The following ULK4 variants were observed in gnomAD, a reference collection of about 807,000 sequenced individuals.
ULK4 encodes inactive serine/threonine-protein kinase ULK4.
In ULK4, 133 loss-of-function variants were observed where a neutral mutation model predicts 160.6. The observed-to-expected ratio is 0.83, with a 90% CI of 0.72 to 0.96. The LOEUF (loss-of-function observed/expected upper bound fraction) is 0.96, where lower values mean the gene tolerates loss of function less well. ULK4 is among the 40% of genes least tolerant of loss of function. ULK4 has a pLI of 0.00. For synonymous variants in ULK4, 534 were observed against 539.8 expected, an observed-to-expected ratio of 0.99 and a Z score of 0.15; for missense variants, 1,580 against 1,499.5, an observed-to-expected ratio of 1.05 and a Z score of -0.89.
chr3:41,699,845 A>T (rs2036613621), intron 27 of ULK4, among the ~76,000 whole-genome samples: 1 of 152,236 alleles, frequency 6.6e-6, no homozygotes, highest in South Asian at 2.1e-4. Context: ...GAAGCCAGTA[A>T]GTTGCAATAA....
At chr3:41,536,493 A>T (rs913254422) in intron 32 of ULK4, among the ~76,000 whole-genome samples, 1 of 152,088 alleles carries the variant, frequency 6.6e-6, no homozygotes, top group Non-Finnish European at 1.5e-5. Context: ...ACTCCCCCAA[A>T]ACTTAACTAC....
intron 35 of ULK4, among the ~76,000 whole-genome samples, chr3:41,301,417 T>G (rs576400697): frequency 6.6e-6 from 1 of 152,290 alleles, no homozygotes; most frequent in East Asian, 1.9e-4. Context: ...AGCTCTAAGT[T>G]ATACACCAGG....
At chr3:41,534,979 A>T (rs955864802) in intron 32 of ULK4, among the ~76,000 whole-genome samples, 1 of 152,220 alleles carries the variant, frequency 6.6e-6, no homozygotes, top group African/African-American at 2.4e-5. Context: ...GTGTATATAC[A>T]TATACATACA....
intron 32 of ULK4, among the ~76,000 whole-genome samples, chr3:41,551,352 T>C (rs1000858510): frequency 3.3e-5 from 5 of 151,176 alleles, no homozygotes; most frequent in Non-Finnish European, 5.9e-5. Flanking sequence ...TTTGGTTTTT[T>C]TGAAAAAATA....
chr3:41,870,736 C>T (rs1697057178), intron 17 of ULK4, among the ~76,000 whole-genome samples: 1 of 152,128 alleles, frequency 6.6e-6, no homozygotes, highest in Admixed American at 6.6e-5. Context: ...AAAAACAGAA[C>T]CAATCAATCA....
At chr3:41,794,203 G>A (rs549292861) in intron 20 of ULK4, among the ~76,000 whole-genome samples, 1 of 152,316 alleles carries the variant, frequency 6.6e-6, no homozygotes, top group South Asian at 2.1e-4. Context: ...AATACAGACA[G>A]TTACAAGTGG....
chr3:41,658,317 C>G (rs535653949), intron 30 of ULK4, among the ~76,000 whole-genome samples: 7 of 152,192 alleles, frequency 4.6e-5, no homozygotes, highest in Middle Eastern at 3.4e-3. Context: ...AGTGTCTAGC[C>G]CTAGAGATTG....
chr3:41,473,661 C>CAAAAAAAAAAAAAAAAA lies in ULK4; in HGVS notation c.3227-10409_3227-10408insTTTTTTTTTTTTTTTTT, dbSNP rs1294599838. On this transcript the variant is annotated intron_variant, in intron 32 of 36. Coordinates refer to ENST00000301831, the MANE Select transcript of ULK4 (RefSeq NM_017886.4). ...TGGGCAACAGAATGAGATTCTGTCT[C>CAAAAAAAAAAAAAAAAA]AAAGAAAAAAAAAAAAAAAAAAAGA... Among the ~76,000 whole-genome samples, 15 of 25,252 alleles carry CAAAAAAAAAAAAAAAAA rather than the reference C, an allele frequency of 5.9e-4. 2 individuals are homozygous for CAAAAAAAAAAAAAAAAA. The highest frequency in any genetic ancestry group is 2.0e-3 in the African/African-American group (11 of 5,496). The allele number at this position is 25,252 out of a possible 152,430, so 16.6% of individuals were successfully genotyped here.
At chr3:41,376,546 G>A (rs1191861416) in intron 35 of ULK4, among the ~76,000 whole-genome samples, 4 of 149,822 alleles carry the variant, frequency 2.7e-5, no homozygotes, top group African/African-American at 1.0e-4. Context: ...CAAAATCAAT[G>A]TACAAAAATC....
intron 34 of ULK4, among the ~76,000 whole-genome samples, chr3:41,405,908 A>T (rs1282984535): frequency 6.6e-6 from 1 of 152,086 alleles, no homozygotes; most frequent in Non-Finnish European, 1.5e-5. Flanking sequence ...CAAAGCATGC[A>T]AATATTTTCT....
intron 31 of ULK4, among the ~76,000 whole-genome samples, chr3:41,572,883 T>C (rs1192120180): frequency 6.6e-6 from 1 of 152,082 alleles, no homozygotes; most frequent in East Asian, 1.9e-4. Flanking sequence ...GGGCCACTAT[T>C]AATAGCCACA....
At chr3:41,398,401 T>G (rs944572875) in intron 34 of ULK4, 137 bp from the exon 35 acceptor site, 61 of 727,866 alleles carry the variant, frequency 8.4e-5, no homozygotes, top group Non-Finnish European at 1.3e-4. Context: ...TTTTTTTTTT[T>G]GAGACAGGGT....
intron 19 of ULK4, among the ~76,000 whole-genome samples, chr3:41,808,105 C>G (rs2040705276): frequency 6.6e-6 from 1 of 152,082 alleles, no homozygotes; most frequent in South Asian, 2.1e-4. Context: ...ATGTGGGGTT[C>G]AATATGACGA....
intron 35 of ULK4, among the ~76,000 whole-genome samples, chr3:41,291,693 T>C (rs570854313): frequency 5.3e-5 from 8 of 152,120 alleles, no homozygotes; most frequent in Non-Finnish European, 7.4e-5. Flanking sequence ...CGAGTAAACA[T>C]TGTTAAGTCT....
intron 34 of ULK4, among the ~76,000 whole-genome samples, chr3:41,405,494 CTAA>C (rs1344157992): frequency 3.9e-5 from 6 of 152,158 alleles, no homozygotes; most frequent in African/African-American, 1.4e-4. Flanking sequence ...TATATATCCA[CTAA>C]TGAGACTGCT....
chr3:41,911,522 G>A lies in ULK4; in HGVS notation c.1015+19C>T, dbSNP rs775673920. ...AAACAACATTCTAAGTAGCATGAAT[G>A]TGCTCAAATAAAACTTACCTAGTCT... On this transcript the variant is annotated intron_variant, in intron 10 of 36. Transcript: ENST00000301831. The A allele has an allele frequency of 6.2e-6, 10 of 1,601,662 alleles. No homozygotes were observed. The highest frequency in any genetic ancestry group is 7.7e-6 in the Non-Finnish European group (9 of 1,168,970).
intron 30 of ULK4, among the ~76,000 whole-genome samples, chr3:41,650,654 C>G (rs906061797): frequency 6.6e-6 from 1 of 152,236 alleles, no homozygotes; most frequent in Admixed American, 6.5e-5. Flanking sequence ...GGCATAGGAT[C>G]CAGGCTGATA....
intron 35 of ULK4, among the ~76,000 whole-genome samples, chr3:41,286,000 G>A (rs2079450097): frequency 6.6e-6 from 1 of 152,220 alleles, no homozygotes; most frequent in Non-Finnish European, 1.5e-5. Context: ...TTGGATGAGA[G>A]AGTGTTCATT....
chr3:41,599,620 A>G (rs1053088357), intron 31 of ULK4, among the ~76,000 whole-genome samples: 19 of 139,092 alleles, frequency 1.4e-4, no homozygotes, highest in African/African-American at 5.0e-4. Context: ...GCTAGAGTTC[A>G]GTGGCGCGAT....
Sources: gnomAD v4.1 joint callset for allele counts (sites outside exome capture counted in the v4.1 genomes callset) on GRCh38, gnomAD v4.1.1 for gene constraint, MANE v1.5 for transcripts, NCBI Gene and HGNC (gene_info 2026-07-23, HGNC 2026-07-21) for gene names.